Variants in CDK14 observed in about 807,000 individuals in gnomAD.
CDK14 encodes cyclin dependent kinase 14.
Under a neutral mutation model 60.7 loss-of-function variants are expected in CDK14, and 34 were observed. The ratio of observed to expected loss-of-function variants is 0.56; its 90% CI spans 0.43 to 0.75. The LOEUF is 0.75. Ranked by LOEUF, CDK14 falls within the 30% of genes least tolerant of loss-of-function variation. The pLI is 0.00. For missense variants in CDK14, 482 were observed against 564.1 expected (o/e 0.85, Z 1.47); for synonymous variants, 197 against 203.7 (o/e 0.97, Z 0.28).
chr7:90,981,109 T>C (rs1795216534), intron 9 of CDK14, among the ~76,000 whole-genome samples: 1 of 152,180 alleles, frequency 6.6e-6, no homozygotes, highest in African/African-American at 2.4e-5. Context: ...AAGGTGCAGG[T>C]AGCTATTTAA....
At chr7:90,891,468 A>G (rs889638143) in intron 6 of CDK14, among the ~76,000 whole-genome samples, 1 of 152,180 alleles carries the variant, frequency 6.6e-6, no homozygotes, top group Non-Finnish European at 1.5e-5. Context: ...TTAAATTCAG[A>G]ATTATTTTTT....
intron 14 of CDK14, among the ~76,000 whole-genome samples, chr7:91,141,799 TTTGTTGTTG>T (rs10654091): frequency 1.3e-5 from 2 of 149,974 alleles, no homozygotes; most frequent in Admixed American, 6.6e-5. Flanking sequence ...AACAGTGGGT[TTTGTTGTTG>T]TTGTTGTTGT....
chr7:91,061,073 A>AT (rs1797769961), intron 11 of CDK14, among the ~76,000 whole-genome samples: 1 of 152,138 alleles, frequency 6.6e-6, no homozygotes, highest in African/African-American at 2.4e-5. Context: ...ACATAGTCAC[A>AT]TATTTCTTGG....
chr7:90,983,745 T>C (rs1378894673), intron 9 of CDK14, among the ~76,000 whole-genome samples: 3 of 151,540 alleles, frequency 2.0e-5, no homozygotes, highest in African/African-American at 4.8e-5. Context: ...GAGGCCATTA[T>C]GCTAAGTGAA....
chr7:91,200,501 A>G (rs1173318011), intron 14 of CDK14, among the ~76,000 whole-genome samples: 1 of 152,192 alleles, frequency 6.6e-6, no homozygotes, highest in Admixed American at 6.5e-5. Flanking sequence ...TTTCCGGGAC[A>G]TTGTTCATGT....
chr7:90,802,736 A>T (rs1282099689), intron 5 of CDK14, among the ~76,000 whole-genome samples: 1 of 152,248 alleles, frequency 6.6e-6, no homozygotes, highest in Non-Finnish European at 1.5e-5. Flanking sequence ...GCCATAAAAT[A>T]GAAGCAATCA....
intron 7 of CDK14, among the ~76,000 whole-genome samples, chr7:90,909,499 A>G (rs951946136): frequency 2.1e-5 from 3 of 141,962 alleles, no homozygotes; most frequent in South Asian, 4.4e-4. Context: ...TACTTACTGT[A>G]CTAGATCTTC....
At chr7:90,863,687 T>TGTGTGC (rs1791084114) in intron 6 of CDK14, among the ~76,000 whole-genome samples, 1 of 151,432 alleles carries the variant, frequency 6.6e-6, no homozygotes, top group Non-Finnish European at 1.5e-5. Context: ...TGTGTGTGTG[T>TGTGTGC]GTGTGTGTGT....
chr7:91,195,749 A>T (rs1802515314), intron 14 of CDK14, among the ~76,000 whole-genome samples: 1 of 152,222 alleles, frequency 6.6e-6, no homozygotes, highest in South Asian at 2.1e-4. Context: ...CTTCATGTAT[A>T]TGAAAACTGT....
chr7:90,862,840 C>G (rs1791052600), intron 5 of CDK14, among the ~76,000 whole-genome samples: 2 of 152,052 alleles, frequency 1.3e-5, no homozygotes, highest in Non-Finnish European at 1.5e-5. Context: ...AGATTAATAA[C>G]AGATGACAGG....
chr7:90,811,950 T>G (rs1223040417), intron 5 of CDK14, among the ~76,000 whole-genome samples: 4 of 152,092 alleles, frequency 2.6e-5, no homozygotes, highest in Non-Finnish European at 5.9e-5. Flanking sequence ...TTGCGATCAT[T>G]AAAAAGTCAG....
At chr7:91,102,758 C>T (rs1210269627) in intron 12 of CDK14, among the ~76,000 whole-genome samples, 4 of 151,930 alleles carry the variant, frequency 2.6e-5, no homozygotes, top group East Asian at 1.9e-4. Flanking sequence ...TGACATCTTC[C>T]GGGGGATGTA....
intron 2 of CDK14, among the ~76,000 whole-genome samples, chr7:90,616,977 CT>C (rs1563017156): frequency 6.6e-6 from 1 of 151,450 alleles, no homozygotes; most frequent in African/African-American, 2.4e-5. Flanking sequence ...CAATGGTGGA[CT>C]TTTTTTTCAG....
chr7:91,081,835 C>T lies in CDK14; in HGVS notation c.1154+2355C>T, dbSNP rs1196700040. The stretch of plus-strand genomic sequence containing the variant: ...AGAAAATATAAGATCCAACAGATAT[C>T]CAAATTCAAAAGAATAATAGAAAGA... On this transcript the variant is annotated intron_variant, in intron 12 of 14. Transcript: ENST00000380050. 3.3e-5 allele frequency among the ~76,000 whole-genome samples: 5 copies of T among 151,864 alleles called. No homozygotes were observed. The East Asian group carries it at 9.7e-4, about 29-fold the overall frequency.
At chr7:90,607,100 C>T (rs753973513) in intron 2 of CDK14, among the ~76,000 whole-genome samples, 4 of 152,056 alleles carry the variant, frequency 2.6e-5, no homozygotes, top group South Asian at 2.1e-4. Context: ...ATGAACTATA[C>T]AAAAGGATCA....
intron 14 of CDK14, among the ~76,000 whole-genome samples, chr7:91,168,539 T>C (rs1276352924): frequency 6.6e-6 from 1 of 152,240 alleles, no homozygotes; most frequent in African/African-American, 2.4e-5. Context: ...ATCTATTATC[T>C]TTTTAAAGAT....
At chr7:90,727,306 A>G (rs1274310332) in intron 3 of CDK14, among the ~76,000 whole-genome samples, 5 of 152,136 alleles carry the variant, frequency 3.3e-5, no homozygotes, top group Admixed American at 2.6e-4. Context: ...TTCCAGGACA[A>G]AGCCCTGTAC....
intron 11 of CDK14, among the ~76,000 whole-genome samples, chr7:91,050,453 T>A (rs1797358868): frequency 6.6e-6 from 1 of 152,098 alleles, no homozygotes. Context: ...ATTTTTAAAA[T>A]AATTATTGAA....
chr7:90,977,567 A>AT (rs140533601), intron 9 of CDK14, among the ~76,000 whole-genome samples: 5 of 151,938 alleles, frequency 3.3e-5, no homozygotes, highest in African/African-American at 4.8e-5. Flanking sequence ...TTCTATGTTT[A>AT]TTTTTTTTAA....
Sources: allele counts gnomAD v4.1 joint callset (sites outside exome capture counted in the v4.1 genomes callset), GRCh38; gene constraint gnomAD v4.1.1; transcripts MANE v1.5; gene names NCBI Gene and HGNC (gene_info 2026-07-23, HGNC 2026-07-21).